The following WDR4 variants were observed in gnomAD, a reference collection of about 807,000 sequenced individuals.
The protein encoded by WDR4 is WDR4 tRNA N7-guanosine methyltransferase non-catalytic subunit.
In WDR4, 47 loss-of-function variants were observed where a neutral mutation model predicts 48.6. That is an observed-to-expected ratio of 0.97 (90% confidence interval 0.77 to 1.23). The LOEUF is 1.23. WDR4 is among the 50% of genes most tolerant of loss of function. The pLI, the probability that WDR4 is intolerant of heterozygous loss-of-function variation, is 0.00. For missense variants in WDR4, 606 were observed against 551.6 expected (o/e 1.10, Z -0.99); for synonymous variants, 268 against 230.0 (o/e 1.17, Z -1.49).
At position 42,850,409 on chromosome 21, in the gene WDR4, C is replaced by T. The variant is rs116949267; in HGVS notation, c.1046-167G>A. 4.9e-4 allele frequency among the ~76,000 whole-genome samples: 75 copies of T among 152,278 alleles called. 2 individuals carry two copies. In the East Asian group the frequency reaches 0.012, roughly 24 times the overall value. Reference sequence around the variant, plus strand: ...TCCCCACGGTGCCCACCTCCTGGGACCCACACCCTGGCTGGACCTGAGGAC... The same window carrying T: ...TCCCCACGGTGCCCACCTCCTGGGATCCACACCCTGGCTGGACCTGAGGAC... On this transcript the variant is annotated intron_variant, in intron 10 of 10. Transcript: ENST00000398208.
upstream of WDR4, chr21:42,879,690 G>C: frequency 1.7e-6 from 1 of 599,804 alleles, no homozygotes; most frequent in Non-Finnish European, 2.8e-6. Flanking sequence ...GGTGGCCTTC[G>C]GTGTTTCGGG....
chr21:42,859,567 A>G (rs1054588335), intron 6 of WDR4, 95 bp downstream of exon 6: 3 of 1,360,270 alleles, frequency 2.2e-6, no homozygotes, highest in Admixed American at 4.1e-5. Context: ...GCCAGGGGCC[A>G]GCGATCCACA....
chr21:42,855,817 T>C (rs1162198702), intron 6 of WDR4, 37 bp from the exon 7 acceptor site: 1 of 1,487,828 alleles, frequency 6.7e-7, no homozygotes, highest in South Asian at 1.3e-5. Context: ...CACATGGTTG[T>C]GGGGCTTCCG....
chr21:42,849,998 G>A lies in WDR4; in HGVS notation c.*51C>T. 6.2e-7 allele frequency: 1 copy of A among 1,601,388 alleles called. No homozygotes were observed. The highest frequency in any genetic ancestry group is 8.5e-7 in the Non-Finnish European group (1 of 1,175,842). Reference sequence around the variant, plus strand: ...GACATGCCAGGATGCAGGGGAACAAGTTAAAAAGCTTTTCCTAATTTGAGG... The same window carrying A: ...GACATGCCAGGATGCAGGGGAACAAATTAAAAAGCTTTTCCTAATTTGAGG... On this transcript the variant is annotated 3_prime_UTR_variant, in exon 11 of 11. Coordinates refer to ENST00000398208, the MANE Select transcript of WDR4 (RefSeq NM_018669.6).
chr21:42,881,800 C>G (rs905254011), upstream of WDR4, among the ~76,000 whole-genome samples: 3 of 152,096 alleles, frequency 2.0e-5, no homozygotes, highest in Non-Finnish European at 4.4e-5. Flanking sequence ...AAAACTATGG[C>G]TTTCTTTTTT....
downstream of WDR4, among the ~76,000 whole-genome samples, chr21:42,846,028 A>T (rs1487476140): frequency 6.6e-6 from 1 of 152,088 alleles, no homozygotes; most frequent in East Asian, 1.9e-4. Context: ...GCTACTCAGG[A>T]GACTGAGGTG....
intron 1 of WDR4, 72 bp downstream of exon 1, chr21:42,879,335 G>C: frequency 6.3e-7 from 1 of 1,576,046 alleles, no homozygotes; most frequent in South Asian, 1.1e-5. Flanking sequence ...CGGTGCGGGA[G>C]AAGCGGGGTC....
At chr21:42,859,602 C>G in intron 6 of WDR4, 60 bp downstream of exon 6, 2 of 554,194 alleles carry the variant, frequency 3.6e-6, no homozygotes, top group Non-Finnish European at 6.0e-6. Flanking sequence ...GAGGCGCCCA[C>G]CCCACCCTCC....
At chr21:42,875,001 C>T (rs890685420) in intron 2 of WDR4, among the ~76,000 whole-genome samples, 3 of 152,068 alleles carry the variant, frequency 2.0e-5, no homozygotes, top group African/African-American at 7.2e-5. Flanking sequence ...CGGAACCTAC[C>T]GACATGTGAT....
In WDR4 at chr21:42,863,970, G is replaced by A. The variant is rs534630186; in HGVS notation, c.297-374C>T. Among the ~76,000 whole-genome samples the A allele has an allele frequency of 3.0e-4, 25 of 82,508 alleles. 3 individuals carry two copies. Among genetic ancestry groups the A allele is most frequent in the Non-Finnish European group, 4.8e-4 (21 of 43,572 alleles). 54.1% of individuals were successfully genotyped at this position (82,508 alleles called of 152,430 possible). Reference sequence around the variant, plus strand: ...AAAATACAAAAAATTAGCCAGGCGTGGTGGCGGGCGCCTGTAGTCCCAGCT... The same window carrying A: ...AAAATACAAAAAATTAGCCAGGCGTAGTGGCGGGCGCCTGTAGTCCCAGCT... On this transcript the variant is annotated intron_variant, in intron 3 of 10. Coordinates refer to ENST00000398208, the MANE Select transcript of WDR4 (RefSeq NM_018669.6).
At chr21:42,858,686 A>G (rs909605686) in intron 6 of WDR4, among the ~76,000 whole-genome samples, 2 of 152,178 alleles carry the variant, frequency 1.3e-5, no homozygotes, top group African/African-American at 4.8e-5. Flanking sequence ...TGGAAGGTGC[A>G]CAACAAACCG....
At chr21:42,874,317 C>T (rs576617018) in intron 2 of WDR4, among the ~76,000 whole-genome samples, 32 of 152,314 alleles carry the variant, frequency 2.1e-4, no homozygotes, top group African/African-American at 6.5e-4. Flanking sequence ...TCTCTTAATC[C>T]TGTCAGCCGA....
chr21:42,885,402 G>C, the WDR4 span, among the ~76,000 whole-genome samples: 1 of 152,126 alleles, frequency 6.6e-6, no homozygotes, highest in Non-Finnish European at 1.5e-5. Context: ...CCTAAGGTCA[G>C]GAGTTCGAGA....
At position 42,850,140 on chromosome 21, in the gene WDR4, A is replaced by G. The variant is rs201374647; in HGVS notation, c.1148T>C (p.Leu383Pro). ...ACTCCGGCGCCGCTGCTTCTTCTCTAGCTGCTGCTGCAGTCTCTCCTCTTT... is the reference window on the plus strand; with the variant it reads ...ACTCCGGCGCCGCTGCTTCTTCTCTGGCTGCTGCTGCAGTCTCTCCTCTTT... ...KKKEERLQQQ[L>P]EKKQRRRSPP... The change falls in exon 11 of 11, where the codon CTA becomes CCA. Residue 383 changes from leucine to proline, a missense_variant. Physicochemically the swap from Leu to Pro is moderately conservative, Grantham distance 98. Coordinates refer to ENST00000398208, the MANE Select transcript of WDR4 (RefSeq NM_018669.6). The G allele has an allele frequency of 1.6e-5, 26 of 1,613,900 alleles. No individual in the cohort carries two copies. Among genetic ancestry groups the G allele is most frequent in the Admixed American group, 8.3e-5 (5 of 59,984 alleles).
At chr21:42,864,107 CAAAAAAAAAAAAAA>C (rs776906461) in intron 3 of WDR4, among the ~76,000 whole-genome samples, 2 of 50,564 alleles carry the variant, frequency 4.0e-5, no homozygotes, top group East Asian at 5.3e-4. Context: ...GACTCCGTCT[CAAAAAAAAAAAAAA>C]AAAAAAAAAG....
intron 7 of WDR4, among the ~76,000 whole-genome samples, chr21:42,855,354 G>A (rs1034622476): frequency 6.6e-6 from 1 of 152,190 alleles, no homozygotes; most frequent in African/African-American, 2.4e-5. Flanking sequence ...GCCGGAGAAT[G>A]CTGGAGTGGG....
chr21:42,847,244 G>T (rs2057718812), downstream of WDR4, among the ~76,000 whole-genome samples: 1 of 152,230 alleles, frequency 6.6e-6, no homozygotes, highest in Admixed American at 6.6e-5. Flanking sequence ...GGCAGTCACA[G>T]GGGACGGGAA....
intron 3 of WDR4, among the ~76,000 whole-genome samples, chr21:42,871,584 AGATGACGC>A (rs1018444369): frequency 2.6e-5 from 4 of 152,358 alleles, no homozygotes; most frequent in Admixed American, 2.6e-4. Context: ...TTCAAGATAA[AGATGACGC>A]GATCCACAGC....
In WDR4 at chr21:42,870,700, A is replaced by T. The variant is rs376261192; in HGVS notation, c.296+2851T>A. Among the ~76,000 whole-genome samples the T allele has an allele frequency of 2.6e-5, 4 of 152,124 alleles. No individual in the cohort carries two copies. The East Asian group carries it at 5.8e-4, about 22-fold the overall frequency. On this transcript the variant is annotated intron_variant, in intron 3 of 10. Coordinates refer to ENST00000398208, the MANE Select transcript of WDR4 (RefSeq NM_018669.6). ...GCTACTTGGGAGGTTGAGGCAGGAG[A>T]ATTGCTTGAACCTGGGAGGCAGAGG...
Sources: allele counts gnomAD v4.1 joint callset (sites outside exome capture counted in the v4.1 genomes callset), GRCh38; gene constraint gnomAD v4.1.1; transcripts MANE v1.5; gene names NCBI Gene and HGNC (gene_info 2026-07-23, HGNC 2026-07-21).